Variants in RIT2 observed in about 807,000 individuals in gnomAD.
RIT2 encodes the protein Ras like without CAAX 2.
In RIT2, 24 loss-of-function variants were observed where a neutral mutation model predicts 23.7. The observed-to-expected ratio is 1.01, with a 90% CI of 0.73 to 1.43. The LOEUF is 1.43. Among genes scored for constraint, RIT2 ranks in the 40% most tolerant of loss-of-function variants. The probability of loss-of-function intolerance (pLI) is 0.00; values close to 1 mark genes in which losing one functional copy is unlikely to be tolerated. For missense variants in RIT2, 236 were observed against 266.9 expected (o/e 0.88, Z 0.81); for synonymous variants, 107 against 91.1 (o/e 1.17, Z -0.99).
intron 1 of RIT2, among the ~76,000 whole-genome samples, chr18:43,102,700 C>T (rs370578143): frequency 3.8e-4 from 58 of 152,012 alleles, no homozygotes; most frequent in African/African-American, 1.4e-3. Flanking sequence ...GTTGCCCAGG[C>T]TGGTGTGCAG....
intron 3 of RIT2, among the ~76,000 whole-genome samples, chr18:42,950,743 GAACA>G (rs1909830876): frequency 6.6e-6 from 1 of 151,402 alleles, no homozygotes; most frequent in Admixed American, 6.6e-5. Context: ...CAAAAGACAT[GAACA>G]GACATTTAAA....
At chr18:43,102,971 A>G (rs1913723999) in intron 1 of RIT2, among the ~76,000 whole-genome samples, 1 of 152,092 alleles carries the variant, frequency 6.6e-6, no homozygotes, top group Admixed American at 6.6e-5. Context: ...CAGCATTTAT[A>G]TCTTAATTGT....
intron 1 of RIT2, among the ~76,000 whole-genome samples, chr18:43,079,270 T>A (rs990770287): frequency 2.0e-5 from 3 of 152,172 alleles, no homozygotes; most frequent in African/African-American, 7.2e-5. Context: ...GAGATTTGTG[T>A]GTTTTTTGTT....
chr18:42,761,195 T>C (rs1396975696), intron 4 of RIT2, among the ~76,000 whole-genome samples: 3 of 152,188 alleles, frequency 2.0e-5, no homozygotes, highest in South Asian at 2.1e-4. Context: ...TCCTTCATTA[T>C]CCTGTTTTAT....
chr18:42,921,710 A>G (rs868717680), intron 4 of RIT2, among the ~76,000 whole-genome samples: 5 of 152,118 alleles, frequency 3.3e-5, no homozygotes, highest in African/African-American at 1.2e-4. Flanking sequence ...AGAGTCACTT[A>G]TAGCTTTCCT....
rs185649439 is a variant in RIT2, at chr18:42,757,292, A to G, written c.427-13572T>C. ...TGATTACATATGTTGTCAGGTTAGA[A>G]CATGGCCCTGCAGAATCTCTGGACA... is the stretch of plus-strand genomic sequence containing the variant. On this transcript the variant is annotated intron_variant, in intron 4 of 4. Transcript: ENST00000326695. Among the ~76,000 whole-genome samples the G allele has an allele frequency of 1.6e-3, 248 of 152,298 alleles. 2 individuals carry two copies. Among genetic ancestry groups the G allele is most frequent in the African/African-American group, 5.7e-3 (237 of 41,568 alleles).
At chr18:42,878,242 A>G (rs965915165) in intron 4 of RIT2, among the ~76,000 whole-genome samples, 7 of 151,660 alleles carry the variant, frequency 4.6e-5, no homozygotes, top group African/African-American at 1.7e-4. Flanking sequence ...GCTATTGACC[A>G]GAAGCCTTGT....
intron 4 of RIT2, among the ~76,000 whole-genome samples, chr18:42,818,600 C>A (rs1296146695): frequency 1.3e-5 from 2 of 151,964 alleles, no homozygotes; most frequent in South Asian, 2.1e-4. Context: ...ATTAATGGAT[C>A]ACGTTCACTT....
chr18:43,061,347 CA>C, intron 1 of RIT2, among the ~76,000 whole-genome samples: 1 of 152,188 alleles, frequency 6.6e-6, no homozygotes, highest in Admixed American at 6.5e-5. Flanking sequence ...TACATATTAA[CA>C]TATTCACAGA....
At chr18:42,758,634 C>G (rs1275486267) in intron 4 of RIT2, among the ~76,000 whole-genome samples, 1 of 151,958 alleles carries the variant, frequency 6.6e-6, no homozygotes, top group African/African-American at 2.4e-5. Flanking sequence ...CTGCCTCAGC[C>G]TCTCAAGTGG....
intron 4 of RIT2, among the ~76,000 whole-genome samples, chr18:42,913,720 G>A (rs1236582585): frequency 6.6e-6 from 1 of 151,942 alleles, no homozygotes. Flanking sequence ...GGAGGCGCTG[G>A]TAAGATGGTC....
intron 1 of RIT2, among the ~76,000 whole-genome samples, chr18:43,085,141 T>C (rs1201579047): frequency 2.0e-5 from 3 of 152,070 alleles, no homozygotes; most frequent in Non-Finnish European, 2.9e-5. Flanking sequence ...AAGTATTTAT[T>C]GACTACTCTT....
At chr18:42,780,311 T>C (rs1225598928) in intron 4 of RIT2, among the ~76,000 whole-genome samples, 2 of 151,908 alleles carry the variant, frequency 1.3e-5, no homozygotes, top group Non-Finnish European at 2.9e-5. Context: ...GACTGTTGGT[T>C]GAAAGAGTTA....
intron 2 of RIT2, among the ~76,000 whole-genome samples, chr18:42,977,054 A>G (rs1348117187): frequency 1.3e-5 from 2 of 152,054 alleles, no homozygotes; most frequent in African/African-American, 4.8e-5. Flanking sequence ...AGGCAGAAGG[A>G]TAACCACAGG....
At position 43,063,419 on chromosome 18, in the gene RIT2, A is replaced by G. The variant is rs538339984; in HGVS notation, c.104-29552T>C. ...CAATTTCTGGTTTATATGCAGGAAT[A>G]TAAACCCAATAACTTTCCATTTGTG... On this transcript the variant is annotated intron_variant, in intron 1 of 4. Coordinates refer to ENST00000326695, the MANE Select transcript of RIT2 (RefSeq NM_002930.4). 2.0e-5 allele frequency among the ~76,000 whole-genome samples: 3 copies of G among 152,310 alleles called. No homozygotes were observed. The East Asian group carries it at 5.8e-4, about 29-fold the overall frequency.
chr18:42,783,495 A>C (rs1913857459), intron 4 of RIT2, among the ~76,000 whole-genome samples: 1 of 152,118 alleles, frequency 6.6e-6, no homozygotes, highest in South Asian at 2.1e-4. Flanking sequence ...GGTGGTTTTC[A>C]ACTGAAATAA....
intron 1 of RIT2, among the ~76,000 whole-genome samples, chr18:43,062,669 T>G (rs767111254): frequency 2.0e-5 from 3 of 152,160 alleles, no homozygotes; most frequent in Non-Finnish European, 2.9e-5. Context: ...TTTCTATCAG[T>G]CTGTAGTATC....
chr18:43,009,581 T>C (rs113374711), intron 2 of RIT2, among the ~76,000 whole-genome samples: 2 of 151,692 alleles, frequency 1.3e-5, no homozygotes, highest in African/African-American at 4.8e-5. Flanking sequence ...CCGTCCCCTC[T>C]TCTTCTTGGA....
intron 2 of RIT2, among the ~76,000 whole-genome samples, chr18:43,004,426 T>G (rs1283777095): frequency 2.0e-5 from 3 of 151,962 alleles, no homozygotes; most frequent in Admixed American, 2.0e-4. Flanking sequence ...GGTATTTCTA[T>G]TTATCTCAAG....
Sources: allele counts gnomAD v4.1 joint callset (sites outside exome capture counted in the v4.1 genomes callset), GRCh38; gene constraint gnomAD v4.1.1; transcripts MANE v1.5; gene names NCBI Gene and HGNC (gene_info 2026-07-23, HGNC 2026-07-21).